Variants in SCRG1 observed in about 807,000 individuals in gnomAD.
SCRG1 encodes the protein stimulator of chondrogenesis 1.
SCRG1 carries 3 observed loss-of-function variants against 7.7 expected under a neutral mutation model. The ratio of observed to expected loss-of-function variants is 0.39; its 90% CI spans 0.18 to 1.01. The LOEUF (loss-of-function observed/expected upper bound fraction) is 1.01. Ranked by LOEUF, SCRG1 falls within the 50% of genes least tolerant of loss-of-function variation. The probability of loss-of-function intolerance (pLI) is 0.36; values close to 1 mark genes in which losing one functional copy is unlikely to be tolerated. For missense variants in SCRG1, 110 were observed against 117.2 expected, an observed-to-expected ratio of 0.94 and a Z score of 0.28; for synonymous variants, 46 against 41.2, an observed-to-expected ratio of 1.12 and a Z score of -0.44.
At chr4:173,403,870 G>A (rs184038541), upstream of SCRG1, among the ~76,000 whole-genome samples, 18 of 152,276 alleles carry the variant, frequency 1.2e-4, no homozygotes, top group African/African-American at 4.1e-4. Flanking sequence ...GATTGACTAA[G>A]TGTGTCAACG....
the SCRG1 span, among the ~76,000 whole-genome samples, chr4:173,514,438 C>G: frequency 1.3e-5 from 2 of 152,352 alleles, no homozygotes; most frequent in South Asian, 4.1e-4. Context: ...GAGCACTCCC[C>G]TTCACATACA....
upstream of SCRG1, chr4:173,403,977 G>A (rs1024242573): frequency 2.6e-5 from 4 of 152,576 alleles, no homozygotes; most frequent in African/African-American, 4.8e-5. Flanking sequence ...AATGATAATA[G>A]CAATGATACT....
upstream of SCRG1, chr4:173,399,496 GTGTC>G: frequency 2.0e-5 from 1 of 49,330 alleles, no homozygotes; most frequent in South Asian, 1.0e-3. Flanking sequence ...GTGTGTTTGT[GTGTC>G]TGTGTGTGAG....
chr4:173,441,756 T>A, the SCRG1 span, among the ~76,000 whole-genome samples: 2 of 152,178 alleles, frequency 1.3e-5, no homozygotes, highest in African/African-American at 2.4e-5. Flanking sequence ...ACACCTGTGA[T>A]CCCAATGCTT....
the SCRG1 span, among the ~76,000 whole-genome samples, chr4:173,455,382 G>A: frequency 6.6e-6 from 1 of 152,154 alleles, no homozygotes; most frequent in South Asian, 2.1e-4. Context: ...TAATGAGAAC[G>A]CTGGTGGTGT....
chr4:173,482,086 A>G, the SCRG1 span, among the ~76,000 whole-genome samples: 1 of 152,168 alleles, frequency 6.6e-6, no homozygotes, highest in Non-Finnish European at 1.5e-5. Flanking sequence ...TGGTTGAGTG[A>G]TCATTATAAA....
the SCRG1 span, among the ~76,000 whole-genome samples, chr4:173,431,002 A>G: frequency 3.8e-4 from 58 of 152,278 alleles, no homozygotes; most frequent in African/African-American, 1.2e-3. Flanking sequence ...AAAACTTCCT[A>G]AACTACCTAG....
the SCRG1 span, among the ~76,000 whole-genome samples, chr4:173,437,401 A>G: frequency 6.6e-6 from 1 of 152,228 alleles, no homozygotes; most frequent in South Asian, 2.1e-4. Flanking sequence ...ACTTAACGCA[A>G]TAACTTACAC....
chr4:173,491,301 G>C, the SCRG1 span, among the ~76,000 whole-genome samples: 1 of 150,864 alleles, frequency 6.6e-6, no homozygotes, highest in Admixed American at 6.6e-5. Flanking sequence ...TTTGCTCCGG[G>C]ATCTGGGCTG....
the SCRG1 span, among the ~76,000 whole-genome samples, chr4:173,474,290 A>G: frequency 6.6e-6 from 1 of 152,204 alleles, no homozygotes; most frequent in Non-Finnish European, 1.5e-5. Context: ...TTTCCAATTG[A>G]TGGGAATACA....
the SCRG1 span, among the ~76,000 whole-genome samples, chr4:173,483,454 A>ATATAG: frequency 3.9e-4 from 6 of 15,488 alleles, no homozygotes; most frequent in Non-Finnish European, 6.0e-4. Flanking sequence ...TTATATCATG[A>ATATAG]TATATATTAT....
intron 1 of SCRG1, among the ~76,000 whole-genome samples, chr4:173,405,912 C>A (rs1194821422): frequency 6.6e-6 from 1 of 152,200 alleles, no homozygotes; most frequent in Non-Finnish European, 1.5e-5. Context: ...AAATTAGAAA[C>A]CAAGATCTGG....
At chr4:173,435,076 A>G in the SCRG1 span, among the ~76,000 whole-genome samples, 6 of 151,996 alleles carry the variant, frequency 3.9e-5, no homozygotes, top group Admixed American at 3.3e-4. Flanking sequence ...ATTCACTATT[A>G]TATAGAATAA....
the SCRG1 span, among the ~76,000 whole-genome samples, chr4:173,499,144 A>AT: frequency 6.6e-6 from 1 of 152,158 alleles, no homozygotes. The surrounding 1 kb of genome is among the most constrained non-coding windows in gnomAD (Gnocchi z 4.1). Flanking sequence ...TCCTCAGACC[A>AT]TTTTTCAGAG....
chr4:173,512,548 C>T, the SCRG1 span, among the ~76,000 whole-genome samples: 5 of 152,198 alleles, frequency 3.3e-5, no homozygotes, highest in Non-Finnish European at 7.3e-5. Context: ...GCTTTCAACA[C>T]CATTTACAAG....
At chr4:173,405,203 T>TG (rs1739870618) in intron 1 of SCRG1, among the ~76,000 whole-genome samples, 2 of 152,220 alleles carry the variant, frequency 1.3e-5, no homozygotes, top group Non-Finnish European at 2.9e-5. Flanking sequence ...TGAGGAATAC[T>TG]GGTCAAGTAT....
intron 1 of SCRG1, among the ~76,000 whole-genome samples, chr4:173,394,680 T>A (rs1739549793): frequency 1.3e-5 from 2 of 152,154 alleles, no homozygotes; most frequent in Non-Finnish European, 2.9e-5. Flanking sequence ...TGTTTTGAGG[T>A]AATAACAACT....
At chr4:173,505,396 C>T in the SCRG1 span, among the ~76,000 whole-genome samples, 1 of 152,118 alleles carries the variant, frequency 6.6e-6, no homozygotes, top group African/African-American at 2.4e-5. This position sits in a 1 kb window ranked among gnomAD's most constrained non-coding sequence, Gnocchi z 4.4. Flanking sequence ...TATATTGGGA[C>T]ATCAGTACAA....
intron 1 of SCRG1, among the ~76,000 whole-genome samples, chr4:173,397,820 T>C (rs1000054753): frequency 1.1e-4 from 17 of 152,212 alleles, no homozygotes; most frequent in Non-Finnish European, 2.4e-4. Flanking sequence ...GGAACTGGTA[T>C]TAAGAGCAGT....
Sources: allele counts gnomAD v4.1 joint callset (sites outside exome capture counted in the v4.1 genomes callset), GRCh38; gene constraint gnomAD v4.1.1; non-coding constraint Gnocchi (gnomAD v3.1); transcripts MANE v1.5; gene names NCBI Gene and HGNC (gene_info 2026-07-23, HGNC 2026-07-21).